Variants in CEP128 observed in about 807,000 individuals in gnomAD.
CEP128 encodes the protein centrosomal protein 128, also known as centrosomal protein 128kDa.
In CEP128, 132 loss-of-function variants were observed where a neutral mutation model predicts 156.7. The observed-to-expected ratio is 0.84, with a 90% CI of 0.73 to 0.97. CEP128 has a LOEUF of 0.97. CEP128 is among the 50% of genes least tolerant of loss of function. The pLI, the probability that CEP128 is intolerant of heterozygous loss-of-function variation, is 0.00. For missense variants in CEP128, 1,252 were observed against 1,281.9 expected (o/e 0.98, Z 0.36); for synonymous variants, 469 against 448.9 (o/e 1.04, Z -0.57).
intron 18 of CEP128, among the ~76,000 whole-genome samples, chr14:80,743,533 T>A (rs770394227): frequency 3.3e-5 from 5 of 152,188 alleles, no homozygotes; most frequent in African/African-American, 4.8e-5. Context: ...TATTAAACTT[T>A]CAATAATATT....
At chr14:80,922,532 A>G (rs992325187) in intron 2 of CEP128, among the ~76,000 whole-genome samples, 2 of 152,236 alleles carry the variant, frequency 1.3e-5, no homozygotes, top group African/African-American at 4.8e-5. Context: ...GAGGATATAA[A>G]AATATATTAA....
chr14:80,594,146 A>G (rs1892212317), intron 19 of CEP128, among the ~76,000 whole-genome samples: 1 of 152,170 alleles, frequency 6.6e-6, no homozygotes, highest in African/African-American at 2.4e-5. Context: ...GGAACAGAAC[A>G]GAGGCCTCAG....
intron 8 of CEP128, among the ~76,000 whole-genome samples, chr14:80,893,863 G>A (rs1205473657): frequency 6.6e-6 from 1 of 151,952 alleles, no homozygotes; most frequent in African/African-American, 2.4e-5. Context: ...AGAAACAGAT[G>A]TTTGTGTATA....
intron 19 of CEP128, among the ~76,000 whole-genome samples, chr14:80,727,064 G>A (rs928862991): frequency 6.6e-6 from 1 of 152,124 alleles, no homozygotes; most frequent in South Asian, 2.1e-4. Flanking sequence ...ACATGGTTAT[G>A]GAGGCATGGA....
At chr14:80,675,399 C>T (rs548081149) in intron 19 of CEP128, among the ~76,000 whole-genome samples, 17 of 151,994 alleles carry the variant, frequency 1.1e-4, no homozygotes, top group African/African-American at 1.9e-4. Flanking sequence ...CAAAAATTTA[C>T]GCTACGCCAA....
chr14:80,734,898 A>G (rs1195356925), intron 19 of CEP128, among the ~76,000 whole-genome samples: 1 of 150,870 alleles, frequency 6.6e-6, no homozygotes, highest in Non-Finnish European at 1.5e-5. Flanking sequence ...AACACTATTC[A>G]TTACATTACA....
At chr14:80,523,975 G>GAATA (rs1399536251) in intron 23 of CEP128, among the ~76,000 whole-genome samples, 5 of 152,166 alleles carry the variant, frequency 3.3e-5, no homozygotes, top group Non-Finnish European at 5.9e-5. Flanking sequence ...GACAATATAT[G>GAATA]AATAAATGAG....
intron 19 of CEP128, among the ~76,000 whole-genome samples, chr14:80,712,226 A>G (rs573290465): frequency 3.6e-4 from 55 of 152,182 alleles, no homozygotes; most frequent in Non-Finnish European, 7.2e-4. Context: ...TTCATTCTCT[A>G]AAGAGTTCTG....
At chr14:80,552,307 C>T (rs1218652304) in intron 21 of CEP128, among the ~76,000 whole-genome samples, 123 of 122,058 alleles carry the variant, frequency 1.0e-3, no homozygotes, top group African/African-American at 3.9e-3. Context: ...GAAACTCCAT[C>T]TCAAAAAAAA....
intron 19 of CEP128, among the ~76,000 whole-genome samples, chr14:80,584,395 C>G (rs1312984890): frequency 6.6e-6 from 1 of 152,124 alleles, no homozygotes; most frequent in East Asian, 1.9e-4. Flanking sequence ...ATCCGCCCGC[C>G]TCGGCCTCCC....
At chr14:80,840,883 A>C in intron 9 of CEP128, 115 bp from the exon 10 acceptor site, 2 of 665,396 alleles carry the variant, frequency 3.0e-6, no homozygotes, top group Non-Finnish European at 5.3e-6. Flanking sequence ...GTTACACAAA[A>C]TCTATAAATT....
At chr14:80,889,795 G>A (rs1294009131) in intron 8 of CEP128, among the ~76,000 whole-genome samples, 1 of 152,140 alleles carries the variant, frequency 6.6e-6, no homozygotes, top group Non-Finnish European at 1.5e-5. Flanking sequence ...TTAAACTAAA[G>A]AGCTTCTGCA....
At chr14:80,506,087 GA>G (rs1887957766) in intron 23 of CEP128, among the ~76,000 whole-genome samples, 1 of 152,302 alleles carries the variant, frequency 6.6e-6, no homozygotes, top group Non-Finnish European at 1.5e-5. Context: ...GGCAATATTT[GA>G]ATGTTGAATA....
chr14:80,777,763 C>A (rs1900873282), intron 16 of CEP128, 119 bp downstream of exon 16: 1 of 745,172 alleles, frequency 1.3e-6, no homozygotes, highest in Non-Finnish European at 2.1e-6. Context: ...TTTTGGGGGG[C>A]ACCAATACAA....
rs556712358 is a variant in CEP128 at position 80,941,390 on chromosome 14, G to A, written c.-172+191C>T. 3.9e-5 allele frequency among the ~76,000 whole-genome samples: 6 copies of A among 152,212 alleles called. No individual in the cohort carries two copies. The East Asian group carries it at 5.8e-4, about 15-fold the overall frequency. On this transcript the variant is annotated intron_variant, in intron 1 of 24. Coordinates refer to ENST00000555265, the MANE Select transcript of CEP128 (RefSeq NM_152446.5). ...ACCGCGGACACCCCTGCCGAGGGAGGGAGGCCTCGGGATGACAGGCGCGCC... is the reference window on the plus strand; with the variant it reads ...ACCGCGGACACCCCTGCCGAGGGAGAGAGGCCTCGGGATGACAGGCGCGCC...
chr14:80,601,399 G>A (rs1034002273), intron 19 of CEP128, among the ~76,000 whole-genome samples: 17 of 152,046 alleles, frequency 1.1e-4, no homozygotes, highest in African/African-American at 3.6e-4. Context: ...AAGAATTTTC[G>A]TGGGCCACAC....
intron 19 of CEP128, among the ~76,000 whole-genome samples, chr14:80,649,876 T>C (rs919788689): frequency 1.3e-5 from 2 of 152,178 alleles, no homozygotes; most frequent in African/African-American, 4.8e-5. Flanking sequence ...TTCTTTTCGC[T>C]TAGGATTGTC....
intron 2 of CEP128, among the ~76,000 whole-genome samples, chr14:80,954,740 A>G (rs1183742844): frequency 6.6e-6 from 1 of 152,228 alleles, no homozygotes; most frequent in East Asian, 1.9e-4. Context: ...TATGTTTGTA[A>G]TGATCTTTTT....
At chr14:80,487,933 C>A (rs971180105), downstream of CEP128, among the ~76,000 whole-genome samples, 23 of 151,442 alleles carry the variant, frequency 1.5e-4, no homozygotes, top group Non-Finnish European at 2.9e-4. Flanking sequence ...AAGAAAGATC[C>A]AAAATTGACA....
Sources: allele counts gnomAD v4.1 joint callset (sites outside exome capture counted in the v4.1 genomes callset), GRCh38; gene constraint gnomAD v4.1.1; transcripts MANE v1.5; gene names NCBI Gene and HGNC (gene_info 2026-07-23, HGNC 2026-07-21).